The following INPP5F variants were observed in gnomAD, a reference collection of about 807,000 sequenced individuals.
INPP5F encodes phosphatidylinositide 4-phosphatase SAC2.
INPP5F carries 97 observed loss-of-function variants against 137.2 expected under a neutral mutation model. The observed-to-expected ratio is 0.71, with a 90% CI of 0.60 to 0.84. The LOEUF (loss-of-function observed/expected upper bound fraction) is 0.84, where lower values mean the gene tolerates loss of function less well. INPP5F is among the 40% of genes least tolerant of loss of function. The probability of loss-of-function intolerance (pLI) is 0.00; values close to 1 mark genes in which losing one functional copy is unlikely to be tolerated. For missense variants in INPP5F, 1,271 were observed against 1,371.9 expected (o/e 0.93, Z 1.16); for synonymous variants, 504 against 476.9 (o/e 1.06, Z -0.74).
intron 1 of INPP5F, among the ~76,000 whole-genome samples, chr10:119,739,658 C>G (rs562284592): frequency 3.3e-5 from 5 of 152,030 alleles, no homozygotes; most frequent in Non-Finnish European, 7.4e-5. Context: ...GAGATAGGGT[C>G]TTCATTTGCC....
intron 3 of INPP5F, among the ~76,000 whole-genome samples, chr10:119,783,511 T>C (rs1849775891): frequency 6.6e-6 from 1 of 152,228 alleles, no homozygotes; most frequent in African/African-American, 2.4e-5. Flanking sequence ...GTTGGGACCT[T>C]TGTTAGGCCT....
intron 6 of INPP5F, among the ~76,000 whole-genome samples, chr10:119,792,798 A>G (rs899993995): frequency 1.3e-5 from 2 of 152,218 alleles, no homozygotes; most frequent in Admixed American, 6.5e-5. Flanking sequence ...CATTCAATCA[A>G]CAAATATTTA....
intron 2 of INPP5F, among the ~76,000 whole-genome samples, chr10:119,779,270 G>A (rs879375231): frequency 8.5e-5 from 13 of 152,070 alleles, no homozygotes; most frequent in Non-Finnish European, 1.6e-4. Context: ...TGGAACTTGC[G>A]GAACCAGAAG....
At chr10:119,730,609 CT>C (rs1409350002) in intron 1 of INPP5F, among the ~76,000 whole-genome samples, 1 of 152,148 alleles carries the variant, frequency 6.6e-6, no homozygotes, top group Non-Finnish European at 1.5e-5. Context: ...GTCCTTGTGG[CT>C]TTGTCTGATA....
chr10:119,792,317 A>G, intron 6 of INPP5F, 104 bp downstream of exon 6: 1 of 803,488 alleles, frequency 1.2e-6, no homozygotes, highest in Non-Finnish European at 2.0e-6. Flanking sequence ...AATTATATTA[A>G]GATACATTTT....
chr10:119,742,922 G>A (rs552855475), intron 1 of INPP5F, among the ~76,000 whole-genome samples: 19 of 152,294 alleles, frequency 1.2e-4, no homozygotes, highest in African/African-American at 3.6e-4. Flanking sequence ...AACCCGGGAG[G>A]TGGAGGTTGC....
chr10:119,808,888 A>G (rs755013694), intron 13 of INPP5F, among the ~76,000 whole-genome samples: 1 of 152,210 alleles, frequency 6.6e-6, no homozygotes, highest in Non-Finnish European at 1.5e-5. Flanking sequence ...TGAGTGATAA[A>G]TATCAAAAGC....
intron 3 of INPP5F, among the ~76,000 whole-genome samples, chr10:119,785,286 G>GTTGTTTTTTTTTTTTTTTTTTTTTTTTT (rs770290302): frequency 9.4e-6 from 1 of 106,236 alleles, no homozygotes; most frequent in Admixed American, 9.8e-5. Context: ...CTGCCAGACT[G>GTTGTTTTTTTTTTTTTTTTTTTTTTTTT]TTTTTTTTTT....
chr10:119,808,115 A>G (rs1257202947), intron 13 of INPP5F, 55 bp downstream of exon 13: 55 of 1,562,350 alleles, frequency 3.5e-5, no homozygotes, highest in Non-Finnish European at 4.3e-5. Context: ...AGCTTAGACT[A>G]TGGTTTAAAA....
chr10:119,754,318 A>G (rs1848772424), intron 2 of INPP5F, among the ~76,000 whole-genome samples: 1 of 152,208 alleles, frequency 6.6e-6, no homozygotes, highest in African/African-American at 2.4e-5. Flanking sequence ...AAGTTTGTTA[A>G]TGGTTGATGA....
intron 3 of INPP5F, among the ~76,000 whole-genome samples, chr10:119,784,725 C>T (rs1849819457): frequency 6.6e-6 from 1 of 152,168 alleles, no homozygotes; most frequent in African/African-American, 2.4e-5. Context: ...CCTTACAGTT[C>T]ACCCGTTTAA....
At position 119,735,433 on chromosome 10, in the gene INPP5F, A is replaced by G. The variant is rs532333951; in HGVS notation, c.97+9074A>G. On this transcript the variant is annotated intron_variant, in intron 1 of 19. Coordinates refer to ENST00000650623, the MANE Select transcript of INPP5F (RefSeq NM_014937.4). ...TTAACACTGAATTTCAAATTTTACA[A>G]TTTCTGCAATGTCAATATGTACGAT... Among the ~76,000 whole-genome samples, 3 of 152,308 alleles carry G rather than the reference A, an allele frequency of 2.0e-5. No individual in the cohort carries two copies. The South Asian group carries it at 6.2e-4, about 32-fold the overall frequency.
chr10:119,731,853 T>A (rs946149096), intron 1 of INPP5F, among the ~76,000 whole-genome samples: 5 of 152,188 alleles, frequency 3.3e-5, no homozygotes, highest in Admixed American at 3.3e-4. Flanking sequence ...CTTATACTAC[T>A]TTTTACTCCA....
chr10:119,739,068 C>T (rs1359444068), intron 1 of INPP5F, among the ~76,000 whole-genome samples: 1 of 151,758 alleles, frequency 6.6e-6, no homozygotes, highest in Non-Finnish European at 1.5e-5. Flanking sequence ...GCCTGTATTC[C>T]CAGCTACTTG....
intron 10 of INPP5F, among the ~76,000 whole-genome samples, chr10:119,804,788 G>GTGATC (rs1405100915): frequency 6.6e-6 from 1 of 151,632 alleles, no homozygotes; most frequent in African/African-American, 2.4e-5. Context: ...GTGCGGTGGT[G>GTGATC]TGATCTGGGC....
At chr10:119,798,776 G>C (rs1850480099) in intron 9 of INPP5F, among the ~76,000 whole-genome samples, 166 bp downstream of exon 9, 1 of 145,278 alleles carries the variant, frequency 6.9e-6, no homozygotes, top group African/African-American at 2.5e-5. Flanking sequence ...AATAATCATT[G>C]AGTCAGCTAC....
At chr10:119,743,912 A>G (rs1354379123) in intron 1 of INPP5F, among the ~76,000 whole-genome samples, 1 of 152,236 alleles carries the variant, frequency 6.6e-6, no homozygotes, top group Non-Finnish European at 1.5e-5. Flanking sequence ...GGAAAATATA[A>G]TAATCTTGAG....
intron 2 of INPP5F, among the ~76,000 whole-genome samples, chr10:119,766,591 AAGACAAAG>A (rs1353793016): frequency 6.6e-6 from 1 of 152,218 alleles, no homozygotes; most frequent in East Asian, 1.9e-4. Context: ...ATGAAAAGTA[AAGACAAAG>A]AGGATATCCT....
rs147539638 is a variant in INPP5F at position 119,756,236 on chromosome 10, T to C, written c.178+5080T>C. Among the ~76,000 whole-genome samples the C allele has an allele frequency of 1.6e-4, 25 of 152,210 alleles. No homozygotes were observed. In the East Asian group the frequency reaches 3.3e-3, roughly 20 times the overall value. Reference sequence around the variant, plus strand: ...TCCCTCTTAAAGATCCTCATAGATATCAGATATTCTACTCAAGAACCACTT... The same window carrying C: ...TCCCTCTTAAAGATCCTCATAGATACCAGATATTCTACTCAAGAACCACTT... On this transcript the variant is annotated intron_variant, in intron 2 of 19. Coordinates refer to ENST00000650623, the MANE Select transcript of INPP5F (RefSeq NM_014937.4).
Sources: allele counts gnomAD v4.1 joint callset (sites outside exome capture counted in the v4.1 genomes callset), GRCh38; gene constraint gnomAD v4.1.1; transcripts MANE v1.5; gene names NCBI Gene and HGNC (gene_info 2026-07-23, HGNC 2026-07-21).